ADAMTS9: variants seen among roughly 807,000 people sequenced by gnomAD.
The protein encoded by ADAMTS9 is ADAM metallopeptidase with thrombospondin type 1 motif 9.
Under a neutral mutation model 257.1 loss-of-function variants are expected in ADAMTS9, and 107 were observed. The observed-to-expected ratio is 0.42, with a 90% CI of 0.36 to 0.49. The LOEUF (loss-of-function observed/expected upper bound fraction) is 0.49, where lower values mean the gene tolerates loss of function less well. ADAMTS9 is among the 20% of genes least tolerant of loss of function. The pLI, the probability that ADAMTS9 is intolerant of heterozygous loss-of-function variation, is 0.03. For missense variants in ADAMTS9, 2,353 were observed against 2,469.1 expected (o/e 0.95, Z 1.00); for synonymous variants, 982 against 880.9 (o/e 1.11, Z -2.03).
chr3:64,524,772 C>A (rs2082889941), intron 38 of ADAMTS9, among the ~76,000 whole-genome samples: 1 of 152,216 alleles, frequency 6.6e-6, no homozygotes, highest in African/African-American at 2.4e-5. Flanking sequence ...AGTCTAAAGA[C>A]CTGCGCTCCA....
chr3:64,622,145 A>C, intron 18 of ADAMTS9, 53 bp downstream of exon 18: 1 of 1,535,934 alleles, frequency 6.5e-7, no homozygotes, highest in Non-Finnish European at 8.8e-7. Flanking sequence ...AAAATAAATA[A>C]ATAAATAAAA....
In ADAMTS9 at chr3:64,561,728, G is replaced by A. The variant is rs561544201; in HGVS notation, c.4548C>T (p.Gly1516=). 2 of 1,577,370 alleles carry A rather than the reference G, an allele frequency of 1.3e-6. No homozygotes were observed. The highest frequency in any genetic ancestry group is 1.7e-6 in the Non-Finnish European group (2 of 1,159,990). ...GACAGCCCACATGCCTCTGCTGTAC[G>A]CCTCGGCCACAGGACACAGAGCACT... ...WSQCSVSCGR[G]VQQRHVGCQI... Residue 1516 remains glycine (G), a synonymous_variant, in exon 30 of 40, where the codon GGC becomes GGT. Transcript: ENST00000498707.
chr3:64,544,088 C>G (rs568608741), intron 32 of ADAMTS9, among the ~76,000 whole-genome samples: 136 of 152,276 alleles, frequency 8.9e-4, no homozygotes, highest in Admixed American at 1.6e-3. Context: ...AGGAGAACTA[C>G]AAACCACTGC....
chr3:64,634,406 C>A (rs1201404245), intron 12 of ADAMTS9, among the ~76,000 whole-genome samples: 1 of 152,168 alleles, frequency 6.6e-6, no homozygotes, highest in Non-Finnish European at 1.5e-5. Flanking sequence ...TCCAGACAAC[C>A]ATTGTTTTTG....
At chr3:64,567,555 A>G (rs376652531) in intron 29 of ADAMTS9, among the ~76,000 whole-genome samples, 1 of 152,204 alleles carries the variant, frequency 6.6e-6, no homozygotes, top group African/African-American at 2.4e-5. Context: ...TTTAGTTCAC[A>G]TATCCAGTGT....
At chr3:64,519,583 C>A (rs1163555696) in intron 39 of ADAMTS9, among the ~76,000 whole-genome samples, 1 of 152,040 alleles carries the variant, frequency 6.6e-6, no homozygotes, top group Non-Finnish European at 1.5e-5. Context: ...AGCAACATAC[C>A]AAAAAGATAA....
intron 4 of ADAMTS9, among the ~76,000 whole-genome samples, chr3:64,656,358 T>A (rs1356360472): frequency 6.6e-6 from 1 of 152,170 alleles, no homozygotes; most frequent in Non-Finnish European, 1.5e-5. Context: ...ACTAAATGCT[T>A]ATTGTGAGCT....
At chr3:64,671,881 T>C (rs1701499467) in intron 3 of ADAMTS9, among the ~76,000 whole-genome samples, 1 of 152,232 alleles carries the variant, frequency 6.6e-6, no homozygotes, top group South Asian at 2.1e-4. Context: ...TAAAGACTCT[T>C]TTATGATACA....
At chr3:64,596,435 G>A (rs1208224233) in intron 27 of ADAMTS9, among the ~76,000 whole-genome samples, 1 of 152,212 alleles carries the variant, frequency 6.6e-6, no homozygotes, top group Non-Finnish European at 1.5e-5. Flanking sequence ...GACTTGGAAT[G>A]TTGGGAGACA....
At chr3:64,643,340 C>T (rs1700704514) in intron 11 of ADAMTS9, among the ~76,000 whole-genome samples, 1 of 151,410 alleles carries the variant, frequency 6.6e-6, no homozygotes, top group African/African-American at 2.4e-5. Flanking sequence ...TTTCTAAAGT[C>T]ACATAAAAAA....
At chr3:64,534,286 T>A (rs930997060) in intron 37 of ADAMTS9, among the ~76,000 whole-genome samples, 1 of 152,184 alleles carries the variant, frequency 6.6e-6, no homozygotes, top group Admixed American at 6.5e-5. Flanking sequence ...AGTTTATTCA[T>A]CTGTAAAATG....
intron 28 of ADAMTS9, 31 bp from the exon 29 acceptor site, chr3:64,568,566 T>A (rs756809144): frequency 6.2e-7 from 1 of 1,607,510 alleles, no homozygotes; most frequent in East Asian, 2.2e-5. Flanking sequence ...AAGGTTGTTG[T>A]TGTTTTTTAA....
At position 64,602,335 on chromosome 3, in the gene ADAMTS9, G is replaced by A; in HGVS notation, c.3748-122C>T. 3.6e-6 allele frequency: 4 copies of A among 1,097,708 alleles called. No homozygotes were observed. In the South Asian group the frequency reaches 6.1e-5, roughly 17 times the overall value. 68.0% of individuals were successfully genotyped at this position (1,097,708 alleles called of 1,614,324 possible). On this transcript the variant is annotated intron_variant, in intron 25 of 39. Transcript: ENST00000498707. The stretch of plus-strand genomic sequence containing the variant: ...CAAATTGCTCAGGCCAAAAACCTTG[G>A]AATCACCCTTGTCTCCTCTTTTTTT...
chr3:64,561,263 T>G (rs571637602), intron 30 of ADAMTS9: 69 of 227,258 alleles, frequency 3.0e-4, no homozygotes, highest in Admixed American at 2.0e-3. Flanking sequence ...ATATTCCTTC[T>G]ATCTCCCCCT....
At chr3:64,612,316 C>A (rs949859511) in intron 22 of ADAMTS9, among the ~76,000 whole-genome samples, 1 of 152,130 alleles carries the variant, frequency 6.6e-6, no homozygotes, top group African/African-American at 2.4e-5. Context: ...TTGACAGTGA[C>A]CCTAAGCTGT....
intron 21 of ADAMTS9, among the ~76,000 whole-genome samples, chr3:64,614,228 C>T (rs2084719174): frequency 1.3e-5 from 2 of 152,162 alleles, no homozygotes; most frequent in African/African-American, 2.4e-5. Context: ...TGAAATTATA[C>T]TTTAGTATTA....
chr3:64,637,147 CAT>C (rs1700520975), intron 12 of ADAMTS9, among the ~76,000 whole-genome samples: 1 of 152,188 alleles, frequency 6.6e-6, no homozygotes, highest in Admixed American at 6.5e-5. Flanking sequence ...TTCTGAACTA[CAT>C]ATGTTTCCTC....
intron 39 of ADAMTS9, among the ~76,000 whole-genome samples, chr3:64,519,538 G>A (rs973003111): frequency 7.9e-5 from 12 of 152,020 alleles, no homozygotes; most frequent in African/African-American, 2.9e-4. Context: ...ACATTGACAT[G>A]AAAATCCTCA....
intron 38 of ADAMTS9, among the ~76,000 whole-genome samples, chr3:64,528,236 C>T (rs2082933509): frequency 1.3e-5 from 2 of 152,198 alleles, no homozygotes; most frequent in South Asian, 4.2e-4. Context: ...GAATCTTCTA[C>T]CTGGAAGAGA....
Sources: gnomAD v4.1 joint callset for allele counts (sites outside exome capture counted in the v4.1 genomes callset) on GRCh38, gnomAD v4.1.1 for gene constraint, MANE v1.5 for transcripts, NCBI Gene and HGNC (gene_info 2026-07-23, HGNC 2026-07-21) for gene names.